PCDH11X: variants seen among roughly 807,000 people sequenced by gnomAD.
The protein encoded by PCDH11X is protocadherin 11 X-linked.
Under a neutral mutation model 53.3 loss-of-function variants are expected in PCDH11X, and 18 were observed. The ratio of observed to expected loss-of-function variants is 0.34; its 90% CI spans 0.23 to 0.50. PCDH11X has a LOEUF of 0.50. PCDH11X is among the 20% of genes least tolerant of loss of function. The pLI, the probability that PCDH11X is intolerant of heterozygous loss-of-function variation, is 0.98. For synonymous variants in PCDH11X, 279 were observed against 393.3 expected (o/e 0.71, Z 3.44); for missense variants, 570 against 1,032.4 (o/e 0.55, Z 6.14).
intron 6 of PCDH11X, among the ~76,000 whole-genome samples, chrX:92,019,124 A>G (rs2062843556): frequency 9.1e-6 from 1 of 110,184 alleles, no homozygotes. Context: ...TGGGCTGAAG[A>G]GGAAGGAAGC....
chrX:92,484,766 C>T lies in PCDH11X; in HGVS notation c.3367+16444C>T, dbSNP rs775176783. Reference sequence around the variant, plus strand: ...GAGAGGGGTGAGAAATAAAAGACTACACATTGAGTACAGCATACACTGCTT... The same window carrying T: ...GAGAGGGGTGAGAAATAAAAGACTATACATTGAGTACAGCATACACTGCTT... On this transcript the variant is annotated intron_variant, in intron 10 of 10. Transcript: ENST00000682573. Among the ~76,000 whole-genome samples, 381 of 110,762 alleles carry T rather than the reference C, an allele frequency of 3.4e-3. 2 individuals are homozygous for T. The highest frequency in any genetic ancestry group is 0.012 in the African/African-American group (367 of 30,515).
chrX:92,499,761 G>A (rs1191735123), intron 10 of PCDH11X, among the ~76,000 whole-genome samples: 8 of 105,920 alleles, frequency 7.6e-5, no homozygotes, highest in African/African-American at 2.8e-4. Context: ...GAGCCTGGGA[G>A]GTCGAGGCTG....
At chrX:92,267,354 G>A (rs1438778925) in intron 8 of PCDH11X, among the ~76,000 whole-genome samples, 2 of 112,014 alleles carry the variant, frequency 1.8e-5, no homozygotes, top group African/African-American at 3.2e-5. Flanking sequence ...GTATATTTCC[G>A]ATTTCTCTAT....
At chrX:92,434,756 G>C (rs1445769390) in intron 9 of PCDH11X, among the ~76,000 whole-genome samples, 1 of 108,754 alleles carries the variant, frequency 9.2e-6, no homozygotes, top group Non-Finnish European at 1.9e-5. Flanking sequence ...ACATACCTGA[G>C]ACTGGGGAAT....
intron 6 of PCDH11X, among the ~76,000 whole-genome samples, chrX:92,001,665 T>C (rs778190394): frequency 9.2e-6 from 1 of 109,014 alleles, no homozygotes; most frequent in African/African-American, 3.3e-5. Flanking sequence ...ATGGGGTTTC[T>C]CCATGTTGGT....
intron 6 of PCDH11X, among the ~76,000 whole-genome samples, chrX:91,995,592 T>C (rs1194038974): frequency 8.9e-6 from 1 of 111,732 alleles, no homozygotes; most frequent in Non-Finnish European, 1.9e-5. Flanking sequence ...AGCTTTGTAC[T>C]GTAGTTTGGA....
intron 6 of PCDH11X, among the ~76,000 whole-genome samples, chrX:91,887,484 G>C (rs1602432930): frequency 9.0e-6 from 1 of 111,680 alleles, no homozygotes; most frequent in East Asian, 2.8e-4. Context: ...AATGTATTTA[G>C]AATTAGGAGT....
chrX:92,579,027 A>T (rs1011908335), intron 10 of PCDH11X, among the ~76,000 whole-genome samples: 1 of 108,387 alleles, frequency 9.2e-6, no homozygotes, highest in Admixed American at 1.0e-4. Context: ...CCAGATAAGA[A>T]ATTCCGGGTT....
intron 6 of PCDH11X, among the ~76,000 whole-genome samples, chrX:92,075,344 C>G (rs2063758958): frequency 9.2e-6 from 1 of 109,141 alleles, no homozygotes; most frequent in Non-Finnish European, 1.9e-5. Context: ...AGCAATTTGG[C>G]AGGTCAGAAG....
At chrX:92,412,028 TGAG>T (rs1234836534) in intron 9 of PCDH11X, among the ~76,000 whole-genome samples, 24 of 23,367 alleles carry the variant, frequency 1.0e-3, no homozygotes, top group Non-Finnish European at 9.7e-4. Flanking sequence ...GGAGGAGGGG[TGAG>T]GAGGAGGAGG....
In PCDH11X at chrX:92,601,515, AAT is replaced by A. The variant is rs1491448071; in HGVS notation, c.3368-16748_3368-16747del. 4.7e-3 allele frequency among the ~76,000 whole-genome samples: 454 copies of A among 97,302 alleles called. 1 individual carries two copies. Among genetic ancestry groups the A allele is most frequent in the Non-Finnish European group, 6.7e-3 (327 of 48,745 alleles). 84.5% of individuals were successfully genotyped at this position (97,302 alleles called of 115,157 possible). A position where few individuals can be genotyped will look rare whatever the true frequency, so the allele number is the denominator to read the frequency against. ...ATGGTGATTCATAAAAAAAAAAAAA[AAT>A]TAAACATAAAATTACCATATGACCC... is the stretch of plus-strand genomic sequence containing the variant. On this transcript the variant is annotated intron_variant, in intron 10 of 10. Coordinates refer to ENST00000682573, the MANE Select transcript of PCDH11X (RefSeq NM_032968.5).
chrX:92,329,282 G>A (rs186971331), intron 8 of PCDH11X, among the ~76,000 whole-genome samples: 20 of 111,199 alleles, frequency 1.8e-4, no homozygotes, highest in Admixed American at 5.8e-4. Context: ...GAAGAGAAGC[G>A]TTGCAACATA....
At chrX:92,258,073 A>T (rs1000827434) in intron 7 of PCDH11X, among the ~76,000 whole-genome samples, 2 of 111,804 alleles carry the variant, frequency 1.8e-5, no homozygotes, top group African/African-American at 6.5e-5. Flanking sequence ...GTGTACCTGC[A>T]GGCTTACCTC....
At chrX:92,207,060 T>C (rs1032256887) in intron 7 of PCDH11X, among the ~76,000 whole-genome samples, 2 of 111,646 alleles carry the variant, frequency 1.8e-5, no homozygotes, top group Non-Finnish European at 3.8e-5. Flanking sequence ...CTGGAGTAAA[T>C]ATACTGAAGT....
chrX:92,354,715 A>T (rs66675295), intron 8 of PCDH11X, among the ~76,000 whole-genome samples: 10,057 of 111,306 alleles, frequency 0.09, 389 homozygotes, highest in Middle Eastern at 0.16. Flanking sequence ...CACTAAGGCA[A>T]GTGTTAGTTA....
intron 4 of PCDH11X, among the ~76,000 whole-genome samples, chrX:91,824,253 A>G (rs1170070089): frequency 1.8e-5 from 2 of 111,111 alleles, no homozygotes; most frequent in Non-Finnish European, 3.8e-5. Context: ...TCTCCTGGAT[A>G]ATATCCTGCA....
intron 6 of PCDH11X, among the ~76,000 whole-genome samples, chrX:92,181,821 A>G (rs929256051): frequency 2.6e-4 from 29 of 112,610 alleles, no homozygotes; most frequent in African/African-American, 8.7e-4. Context: ...CAGAGGATGT[A>G]TGGAAATGCC....
At position 91,924,719 on chromosome X, in the gene PCDH11X, A is replaced by G. The variant is rs750475488; in HGVS notation, c.3033+45446A>G. Among the ~76,000 whole-genome samples, 3 of 111,432 alleles carry G rather than the reference A, an allele frequency of 2.7e-5. No individual in the cohort carries two copies. In the South Asian group the frequency reaches 1.1e-3, roughly 42 times the overall value. On this transcript the variant is annotated intron_variant, in intron 6 of 10. Transcript: ENST00000682573. The stretch of plus-strand genomic sequence containing the variant: ...TTGTGGGACTTTACTTGGAATTCCA[A>G]TTCTTCTTATTATAGGGAATAAGAA...
chrX:92,096,438 A>G lies in PCDH11X; in HGVS notation c.3034-104937A>G, dbSNP rs199634394. ...GGGGCCCTAAGTGGAGTGTATGTGT[A>G]TGTGTGTGTGTGTGTGTGTGTGTGT... On this transcript the variant is annotated intron_variant, in intron 6 of 10. Transcript: ENST00000682573. Among the ~76,000 whole-genome samples the G allele has an allele frequency of 2.6e-3, 242 of 94,413 alleles. 1 individual carries two copies. The highest frequency in any genetic ancestry group is 0.011 in the Middle Eastern group (2 of 185). 82.0% of individuals were successfully genotyped at this position (94,413 alleles called of 115,157 possible).
Sources: gnomAD v4.1 joint callset for allele counts (sites outside exome capture counted in the v4.1 genomes callset) on GRCh38, gnomAD v4.1.1 for gene constraint, MANE v1.5 for transcripts, NCBI Gene and HGNC (gene_info 2026-07-23, HGNC 2026-07-21) for gene names.